The following PPP2R2B variants were observed in gnomAD, a reference collection of about 807,000 sequenced individuals.
PPP2R2B encodes the protein serine/threonine-protein phosphatase 2A 55 kDa regulatory subunit B beta isoform.
In PPP2R2B, 5 loss-of-function variants were observed where a neutral mutation model predicts 46.0. The ratio of observed to expected loss-of-function variants is 0.11; its 90% confidence interval spans 0.06 to 0.23. The LOEUF (loss-of-function observed/expected upper bound fraction) is 0.23. PPP2R2B is among the 10% of genes least tolerant of loss of function. The probability of loss-of-function intolerance (pLI) is 1.00; values close to 1 mark genes in which losing one functional copy is unlikely to be tolerated. For missense variants in PPP2R2B, 367 were observed against 575.0 expected (o/e 0.64, Z 3.70); for synonymous variants, 215 against 206.7 (o/e 1.04, Z -0.34).
At position 146,878,732 on chromosome 5, in the gene PPP2R2B, C is replaced by T; in HGVS notation, c.-266G>A. 7.8e-7 allele frequency: 1 copy of T among 1,287,488 alleles called. No homozygotes were observed. The highest frequency in any genetic ancestry group is 3.2e-5 in the East Asian group (1 of 30,950). The allele number at this position is 1,287,488 out of a possible 1,614,324, so 79.8% of individuals were successfully genotyped here. On this transcript the variant is annotated 5_prime_UTR_variant, in exon 1 of 10. Transcript: ENST00000394411. The surrounding 1 kb of genome is among the most constrained non-coding windows in gnomAD (Gnocchi z 4.5). ...ACCCACACGCGCGCACTCGCAGCTG[C>T]TGCTGCTGCTGCTGCTGCTGCTGCT... is the stretch of plus-strand genomic sequence containing the variant.
chr5:146,879,013 C>G, upstream of PPP2R2B: 1 of 881,330 alleles, frequency 1.1e-6, no homozygotes, highest in Non-Finnish European at 1.4e-6. Context: ...CACGTCTACG[C>G]TAGCACCCAG....
intron 2 of PPP2R2B, among the ~76,000 whole-genome samples, chr5:146,819,754 C>T (rs1012225321): frequency 3.3e-5 from 5 of 152,076 alleles, no homozygotes; most frequent in African/African-American, 1.2e-4. Flanking sequence ...GTCCAGCAAT[C>T]CCACTACTTG....
intron 2 of PPP2R2B, among the ~76,000 whole-genome samples, chr5:146,811,759 G>A (rs916900381): frequency 1.3e-5 from 2 of 148,796 alleles, no homozygotes; most frequent in African/African-American, 5.0e-5. Flanking sequence ...AGTAGAGACG[G>A]GGTTTCACCT....
chr5:146,915,307 CG>C (rs1252131810), intron 1 of PPP2R2B, among the ~76,000 whole-genome samples: 1 of 152,086 alleles, frequency 6.6e-6, no homozygotes, highest in Non-Finnish European at 1.5e-5. Flanking sequence ...CACTTGGATT[CG>C]GAGAAAAATT....
chr5:147,058,833 C>T (rs1308033812), upstream of PPP2R2B, among the ~76,000 whole-genome samples: 1 of 152,112 alleles, frequency 6.6e-6, no homozygotes, highest in African/African-American at 2.4e-5. Flanking sequence ...AGAAAACAGG[C>T]TGAGGGAATA....
At chr5:147,008,710 T>C (rs990500253) in intron 1 of PPP2R2B, among the ~76,000 whole-genome samples, 2 of 152,056 alleles carry the variant, frequency 1.3e-5, no homozygotes, top group Admixed American at 1.3e-4. Context: ...TACAGAGGAG[T>C]CAGCCTCATT....
chr5:147,009,226 G>T (rs904620712), intron 1 of PPP2R2B, among the ~76,000 whole-genome samples: 1 of 152,060 alleles, frequency 6.6e-6, no homozygotes, highest in African/African-American at 2.4e-5. Context: ...ACCCTGGCTT[G>T]GAAAAAGCTT....
intron 6 of PPP2R2B, among the ~76,000 whole-genome samples, chr5:146,639,643 T>G (rs1414742885): frequency 6.6e-6 from 1 of 152,196 alleles, no homozygotes; most frequent in Non-Finnish European, 1.5e-5. Flanking sequence ...CCAACAGGAC[T>G]CCCACTTTTC....
At position 146,974,114 on chromosome 5, in the gene PPP2R2B, G is replaced by A. The variant is rs892315811; in HGVS notation, c.79+81551C>T. ...ACTCTTGTAGATCTATTTGGAATCC[G>A]GGCAAGAAAGTATCATTTGAGTTTA... On this transcript the variant is annotated intron_variant, in intron 1 of 8. Transcript: ENST00000336640. Among the ~76,000 whole-genome samples, 43 of 152,172 alleles carry A rather than the reference G, an allele frequency of 2.8e-4. 1 individual carries two copies. Among genetic ancestry groups the A allele is most frequent in the East Asian group, 7.7e-4 (4 of 5,184 alleles).
chr5:146,914,908 C>T (rs371346109), intron 1 of PPP2R2B, among the ~76,000 whole-genome samples: 3 of 152,170 alleles, frequency 2.0e-5, no homozygotes, highest in East Asian at 3.9e-4. Flanking sequence ...TAGTCCTCCA[C>T]TTTCAGTATT....
chr5:146,694,949 G>C (rs866235991), intron 4 of PPP2R2B, among the ~76,000 whole-genome samples: 9 of 151,984 alleles, frequency 5.9e-5, no homozygotes, highest in Middle Eastern at 3.3e-3. Context: ...GAATATATTT[G>C]TATACTATAA....
At chr5:146,902,262 T>C (rs924342174) in intron 1 of PPP2R2B, among the ~76,000 whole-genome samples, 18 of 152,110 alleles carry the variant, frequency 1.2e-4, no homozygotes, top group African/African-American at 3.9e-4. Flanking sequence ...GTCCCTATAG[T>C]AGTCAAACAG....
chr5:146,660,848 A>G (rs1221628776), intron 5 of PPP2R2B, among the ~76,000 whole-genome samples: 1 of 152,228 alleles, frequency 6.6e-6, no homozygotes, highest in Non-Finnish European at 1.5e-5. Flanking sequence ...TGTATTAGGT[A>G]GTATGTGTAC....
At chr5:146,721,669 A>G (rs1194028642) in intron 2 of PPP2R2B, among the ~76,000 whole-genome samples, 1 of 152,218 alleles carries the variant, frequency 6.6e-6, no homozygotes, top group Non-Finnish European at 1.5e-5. Flanking sequence ...ACTTCCTTCT[A>G]TGTGGAAGCT....
At chr5:146,608,672 A>G (rs897966065) in intron 7 of PPP2R2B, among the ~76,000 whole-genome samples, 2 of 152,112 alleles carry the variant, frequency 1.3e-5, no homozygotes, top group Non-Finnish European at 2.9e-5. Flanking sequence ...GCGCATGCCT[A>G]TAGTCCCAGC....
intron 1 of PPP2R2B, among the ~76,000 whole-genome samples, chr5:146,983,176 ATTTTTT>A (rs745692719): frequency 1.6e-3 from 126 of 80,874 alleles, no homozygotes; most frequent in Non-Finnish European, 2.3e-3. Flanking sequence ...TTTCCAGAGC[ATTTTTT>A]TTTTTTTTTT....
At chr5:146,889,916 G>A (rs533905748) in intron 1 of PPP2R2B, among the ~76,000 whole-genome samples, 44 of 152,290 alleles carry the variant, frequency 2.9e-4, no homozygotes, top group African/African-American at 1.0e-3. Flanking sequence ...GGTCTAGCCC[G>A]TCATTTTGCT....
chr5:146,659,195 C>A (rs968971868), intron 5 of PPP2R2B, among the ~76,000 whole-genome samples: 1 of 151,756 alleles, frequency 6.6e-6, no homozygotes, highest in African/African-American at 2.4e-5. Context: ...TATTTAAATC[C>A]CACTGGATGC....
intron 2 of PPP2R2B, among the ~76,000 whole-genome samples, chr5:147,072,342 C>T (rs1426059832): frequency 6.6e-6 from 1 of 152,130 alleles, no homozygotes; most frequent in Non-Finnish European, 1.5e-5. Flanking sequence ...TTTTTATTCT[C>T]TAAAAATATC....
Sources: gnomAD v4.1 joint callset for allele counts (sites outside exome capture counted in the v4.1 genomes callset) on GRCh38, gnomAD v4.1.1 for gene constraint, Gnocchi (gnomAD v3.1) non-coding constraint, MANE v1.5 for transcripts, NCBI Gene and HGNC (gene_info 2026-07-23, HGNC 2026-07-21) for gene names.